SYT17: variants seen among roughly 807,000 people sequenced by gnomAD.
SYT17 encodes the protein synaptotagmin-17.
Under a neutral mutation model 46.7 loss-of-function variants are expected in SYT17, and 22 were observed. The ratio of observed to expected loss-of-function variants is 0.47; its 90% CI spans 0.34 to 0.67. SYT17 has a LOEUF of 0.67. Among genes scored for constraint, SYT17 ranks in the 30% least tolerant of loss-of-function variants. The pLI is 0.01. For synonymous variants in SYT17, 251 were observed against 248.4 expected, an observed-to-expected ratio of 1.01 and a Z score of -0.10; for missense variants, 519 against 612.8, an observed-to-expected ratio of 0.85 and a Z score of 1.62.
chr16:19,174,287 C>A (rs370546765), intron 3 of SYT17, among the ~76,000 whole-genome samples: 9 of 152,214 alleles, frequency 5.9e-5, no homozygotes, highest in Admixed American at 5.2e-4. Context: ...CGTGCCTGGT[C>A]CACCTCTCCG....
chr16:19,213,736 C>A (rs552966110), intron 5 of SYT17, among the ~76,000 whole-genome samples: 5 of 152,246 alleles, frequency 3.3e-5, no homozygotes, highest in African/African-American at 1.2e-4. Context: ...TGCTTTGTTG[C>A]CCAGGCTGGC....
intron 5 of SYT17, among the ~76,000 whole-genome samples, chr16:19,217,530 T>C (rs941725885): frequency 1.3e-4 from 20 of 152,244 alleles, no homozygotes; most frequent in African/African-American, 4.8e-4. Flanking sequence ...ATTGTATCAA[T>C]GCTTCATTGT....
At chr16:19,231,548 AAAG>A (rs1284728344) in intron 7 of SYT17, among the ~76,000 whole-genome samples, 9 of 150,318 alleles carry the variant, frequency 6.0e-5, no homozygotes, top group African/African-American at 2.0e-4. Context: ...AAAAAAAAAA[AAAG>A]AAAAGAAAAA....
At chr16:19,171,011 A>C (rs1363954668) in intron 1 of SYT17, 1 of 152,120 alleles carries the variant, frequency 6.6e-6, no homozygotes, top group Non-Finnish European at 1.5e-5. Flanking sequence ...TGAGGTATAG[A>C]GTAGCCTTTC....
chr16:19,253,593 T>C (rs1191809063), intron 7 of SYT17, among the ~76,000 whole-genome samples: 2 of 151,852 alleles, frequency 1.3e-5, no homozygotes, highest in African/African-American at 4.8e-5. Flanking sequence ...TGAGCTATGA[T>C]AATGTCACTG....
At chr16:19,221,178 C>A (rs1332124042) in intron 5 of SYT17, among the ~76,000 whole-genome samples, 3 of 140,778 alleles carry the variant, frequency 2.1e-5, no homozygotes, top group Non-Finnish European at 4.5e-5. Context: ...TAGGGTGAGA[C>A]CTTGTCTCAA....
chr16:19,253,401 A>T (rs7198090), intron 7 of SYT17, among the ~76,000 whole-genome samples: 104,155 of 151,516 alleles, frequency 0.69, 36,452 homozygotes, highest in East Asian at 0.99. Context: ...TAAAAAAAAA[A>T]TTTTTTAAAA....
intron 3 of SYT17, among the ~76,000 whole-genome samples, chr16:19,175,256 A>G (rs900992156): frequency 1.2e-4 from 18 of 152,228 alleles, no homozygotes; most frequent in African/African-American, 4.3e-4. Context: ...ATACAAACAC[A>G]ATGTTAAAGA....
intron 7 of SYT17, among the ~76,000 whole-genome samples, chr16:19,231,962 T>C (rs1028858268): frequency 6.6e-6 from 1 of 152,152 alleles, no homozygotes; most frequent in Non-Finnish European, 1.5e-5. Context: ...TGACCCAGTC[T>C]GTGGAGTGAG....
At chr16:19,175,231 AGATT>A (rs1281134048) in intron 3 of SYT17, among the ~76,000 whole-genome samples, 2 of 152,256 alleles carry the variant, frequency 1.3e-5, no homozygotes, top group Non-Finnish European at 2.9e-5. Flanking sequence ...GTTTCAATAG[AGATT>A]AATTAAACTG....
chr16:19,237,763 G>A (rs916755591), intron 7 of SYT17, among the ~76,000 whole-genome samples: 13 of 152,060 alleles, frequency 8.5e-5, no homozygotes, highest in African/African-American at 3.1e-4. Context: ...TTCTTTCCCG[G>A]GCAAAGCCAG....
rs765845816 is a variant in SYT17 at position 19,268,051 on chromosome 16, C to T, written c.*975C>T. The T allele has an allele frequency of 6.6e-6, 1 of 151,916 alleles. No individual in the cohort carries two copies. Among genetic ancestry groups the T allele is most frequent in the Non-Finnish European group, 1.5e-5 (1 of 67,990 alleles). 9.4% of individuals were successfully genotyped at this position (151,916 alleles called of 1,614,324 possible). A position where few individuals can be genotyped will look rare whatever the true frequency, so the allele number is the denominator to read the frequency against. ...GTGATTGTGACCCACGAAAGACATA[C>T]AAAGACTTGATATATGGATTAAAAT... On this transcript the variant is annotated 3_prime_UTR_variant, in exon 8 of 8. Transcript: ENST00000355377.
intron 3 of SYT17, among the ~76,000 whole-genome samples, chr16:19,178,944 C>T (rs185866839): frequency 1.3e-5 from 2 of 151,988 alleles, no homozygotes; most frequent in South Asian, 2.1e-4. Context: ...TCTATAGTCC[C>T]AGCTACTCAA....
intron 4 of SYT17, among the ~76,000 whole-genome samples, chr16:19,181,082 A>G (rs1268684881): frequency 1.3e-5 from 2 of 152,230 alleles, no homozygotes; most frequent in Admixed American, 6.5e-5. Flanking sequence ...GCTCTGGCCA[A>G]TGGTAGCTGT....
At chr16:19,199,726 G>GT (rs1965388169) in intron 5 of SYT17, among the ~76,000 whole-genome samples, 2 of 149,022 alleles carry the variant, frequency 1.3e-5, no homozygotes, top group Admixed American at 6.8e-5. Flanking sequence ...GACAGAGCAA[G>GT]ACCCTGTCTC....
intron 7 of SYT17, among the ~76,000 whole-genome samples, chr16:19,256,427 C>A (rs1335539269): frequency 7.8e-6 from 1 of 128,484 alleles, no homozygotes; most frequent in Non-Finnish European, 1.6e-5. Flanking sequence ...GAGGTTTTAA[C>A]CCCTCTTCAA....
At chr16:19,241,685 G>A (rs1012062658) in intron 7 of SYT17, among the ~76,000 whole-genome samples, 1 of 152,170 alleles carries the variant, frequency 6.6e-6, no homozygotes, top group Non-Finnish European at 1.5e-5. Context: ...GGTTCCTGGG[G>A]GCAGGCTCTG....
At chr16:19,246,937 T>C (rs1019035196) in intron 7 of SYT17, among the ~76,000 whole-genome samples, 6 of 152,136 alleles carry the variant, frequency 3.9e-5, no homozygotes, top group African/African-American at 1.4e-4. Flanking sequence ...TGAGAGGTGA[T>C]GTTGAATCCA....
At chr16:19,231,523 CA>C (rs143448107) in intron 7 of SYT17, among the ~76,000 whole-genome samples, 504 of 45,844 alleles carry the variant, frequency 0.011, no homozygotes, top group African/African-American at 0.032. Context: ...AACTCCATCA[CA>C]AAAAAAAAAA....
Sources: allele counts gnomAD v4.1 joint callset (sites outside exome capture counted in the v4.1 genomes callset), GRCh38; gene constraint gnomAD v4.1.1; transcripts MANE v1.5; gene names NCBI Gene and HGNC (gene_info 2026-07-23, HGNC 2026-07-21).